CIB2: variants seen among roughly 807,000 people sequenced by gnomAD.
CIB2 encodes calcium and integrin-binding family member 2.
A neutral mutation model predicts 23.1 loss-of-function variants in CIB2; 19 were observed. The ratio of observed to expected loss-of-function variants is 0.82; its 90% CI spans 0.57 to 1.21. The LOEUF (loss-of-function observed/expected upper bound fraction) is 1.21. Among genes scored for constraint, CIB2 ranks in the 50% most tolerant of loss-of-function variants. CIB2 has a pLI of 0.00. For missense variants in CIB2, 220 were observed against 241.5 expected (o/e 0.91, Z 0.59); for synonymous variants, 94 against 91.7 (o/e 1.03, Z -0.14).
chr15:78,106,059 C>T, intron 4 of CIB2, 125 bp from the exon 5 acceptor site: 1 of 748,056 alleles, frequency 1.3e-6, no homozygotes, highest in African/African-American at 1.7e-5. Context: ...CAGAGCATCT[C>T]CATGCACACT....
At chr15:78,118,250 G>T (rs975212465) in intron 2 of CIB2, among the ~76,000 whole-genome samples, 3 of 152,132 alleles carry the variant, frequency 2.0e-5, no homozygotes, top group Non-Finnish European at 4.4e-5. Context: ...ATTATCTTGG[G>T]TAGTAGGGGG....
Position 78,111,759 on chromosome 15 carries a change from G to A in CIB2, c.87-483C>T, listed in dbSNP as rs1486487373. ...ATTTGTCTAAGGCCACATAACTAGGGAGCATCAAGGGCCATGGGTTGAGCC... is the reference window on the plus strand; with the variant it reads ...ATTTGTCTAAGGCCACATAACTAGGAAGCATCAAGGGCCATGGGTTGAGCC... On this transcript the variant is annotated intron_variant, in intron 2 of 5. Transcript: ENST00000258930. Among the ~76,000 whole-genome samples, 4 of 152,256 alleles carry A rather than the reference G, an allele frequency of 2.6e-5. No homozygotes were observed. In the East Asian group the frequency reaches 7.7e-4, roughly 29 times the overall value.
intron 2 of CIB2, among the ~76,000 whole-genome samples, chr15:78,122,676 G>T (rs1041628704): frequency 1.3e-5 from 2 of 152,256 alleles, no homozygotes; most frequent in Non-Finnish European, 2.9e-5. Context: ...CTCAGGGAAG[G>T]TCAAATGGTT....
At chr15:78,110,742 T>G in intron 3 of CIB2, 1 of 456,260 alleles carries the variant, frequency 2.2e-6, no homozygotes, top group South Asian at 1.5e-5. Context: ...CCCTGGGGAG[T>G]TTAAAATTAA....
intron 1 of CIB2, among the ~76,000 whole-genome samples, chr15:78,130,341 T>G (rs2074437265): frequency 6.6e-6 from 1 of 151,912 alleles, no homozygotes; most frequent in African/African-American, 2.4e-5. Flanking sequence ...TGCAAATGGT[T>G]TTAAGGCGGC....
At chr15:78,121,729 C>T (rs1313607076) in intron 2 of CIB2, among the ~76,000 whole-genome samples, 2 of 152,200 alleles carry the variant, frequency 1.3e-5, no homozygotes, top group African/African-American at 4.8e-5. Context: ...CCTCCCCAGC[C>T]ATGTGGAGCC....
intron 3 of CIB2, 184 bp from the exon 4 acceptor site, chr15:78,109,566 G>A: frequency 3.0e-6 from 2 of 674,736 alleles, no homozygotes; most frequent in Non-Finnish European, 5.2e-6. Context: ...GGGATTAAAT[G>A]AGCTAAAGTA....
At chr15:78,113,019 G>A (rs1326092318) in intron 2 of CIB2, among the ~76,000 whole-genome samples, 1 of 152,182 alleles carries the variant, frequency 6.6e-6, no homozygotes, top group Non-Finnish European at 1.5e-5. Flanking sequence ...ATCACCCTGA[G>A]AGGTAGATAT....
intron 1 of CIB2, among the ~76,000 whole-genome samples, chr15:78,127,830 G>A (rs1368210314): frequency 6.6e-6 from 1 of 152,158 alleles, no homozygotes; most frequent in Non-Finnish European, 1.5e-5. Context: ...ATCCCCACAA[G>A]AACCCTGTGA....
rs772749856 is a variant in CIB2 at position 78,105,874 on chromosome 15, G to A, written c.407C>T (p.Thr136Ile). Residue 136 changes from threonine to isoleucine, a missense_variant, in exon 5 of 6, where the codon ACT (threonine) becomes ATT (isoleucine). Coordinates refer to ENST00000258930, the MANE Select transcript of CIB2 (RefSeq NM_006383.4). Reference sequence around the variant, plus strand: ...CTCCTCCTCATCCAGCTCTGACTTAGTGAGCCGGGCCAGCGTCAGCTCCAG... The same window carrying A: ...CTCCTCCTCATCCAGCTCTGACTTAATGAGCCGGGCCAGCGTCAGCTCCAG... Reference protein sequence around the residue: ...EDLELTLARLTKSELDEEEVV... With the variant: ...EDLELTLARLIKSELDEEEVV... 3 of 1,614,208 alleles carry A rather than the reference G, an allele frequency of 1.9e-6. No individual in the cohort carries two copies. The highest frequency in any genetic ancestry group is 4.5e-5 in the East Asian group (2 of 44,882).
chr15:78,121,137 G>A (rs556000904), intron 2 of CIB2, among the ~76,000 whole-genome samples: 27 of 152,268 alleles, frequency 1.8e-4, no homozygotes, highest in African/African-American at 6.5e-4. Context: ...AATCTGTCTT[G>A]TCTTAACTAC....
At chr15:78,126,142 C>A (rs575461903) in intron 1 of CIB2, among the ~76,000 whole-genome samples, 39 of 131,926 alleles carry the variant, frequency 3.0e-4, no homozygotes, top group African/African-American at 8.4e-4. Context: ...TTTCCCCTGC[C>A]CCCCCCCCTT....
At chr15:78,130,823 G>A (rs1000190547) in intron 1 of CIB2, among the ~76,000 whole-genome samples, 4 of 152,286 alleles carry the variant, frequency 2.6e-5, no homozygotes, top group African/African-American at 9.6e-5. Flanking sequence ...CGGGGAGGGC[G>A]GTCCTCCGTC....
intron 2 of CIB2, among the ~76,000 whole-genome samples, chr15:78,114,385 A>C (rs2074207810): frequency 6.6e-6 from 1 of 152,228 alleles, no homozygotes; most frequent in South Asian, 2.1e-4. Context: ...AGCATTGTCA[A>C]AGAACCACAT....
intron 1 of CIB2, among the ~76,000 whole-genome samples, chr15:78,124,409 C>T (rs2074357056): frequency 6.6e-6 from 1 of 150,832 alleles, no homozygotes; most frequent in Non-Finnish European, 1.5e-5. Context: ...GTAAGCATTA[C>T]TCCAGGTGGG....
At chr15:78,110,632 G>A in intron 3 of CIB2, 1 of 456,074 alleles carries the variant, frequency 2.2e-6, no homozygotes, top group Admixed American at 2.3e-5. Flanking sequence ...TATATGGTCT[G>A]AGGATCAGCA....
At chr15:78,108,411 C>T (rs1383552693) in intron 4 of CIB2, among the ~76,000 whole-genome samples, 1 of 152,052 alleles carries the variant, frequency 6.6e-6, no homozygotes, top group Non-Finnish European at 1.5e-5. Flanking sequence ...GACACCAGTC[C>T]CCATGGGTCT....
chr15:78,119,909 T>C (rs115680421), intron 2 of CIB2, among the ~76,000 whole-genome samples: 3,439 of 151,898 alleles, frequency 0.023, 122 homozygotes, highest in African/African-American at 0.078. Flanking sequence ...ATCTGCCTTT[T>C]TTTTTTTTTG....
chr15:78,124,670 G>A (rs910032182), intron 1 of CIB2, among the ~76,000 whole-genome samples: 2 of 152,116 alleles, frequency 1.3e-5, no homozygotes, highest in African/African-American at 2.4e-5. Context: ...TAGCTCCTCC[G>A]CCTTTGTCCA....
Sources: gnomAD v4.1 joint callset for allele counts (sites outside exome capture counted in the v4.1 genomes callset) on GRCh38, gnomAD v4.1.1 for gene constraint, MANE v1.5 for transcripts, NCBI Gene and HGNC (gene_info 2026-07-23, HGNC 2026-07-21) for gene names.